Variants in ARB2A observed in about 807,000 individuals in gnomAD.
ARB2A encodes the protein ARB2 cotranscriptional regulator A.
chr5:93,941,917 A>G, the ARB2A span, among the ~76,000 whole-genome samples: 1 of 152,212 alleles, frequency 6.6e-6, no homozygotes, highest in South Asian at 2.1e-4. Context: ...GAAAGAACTT[A>G]AGCATATCCT....
At chr5:93,657,257 C>T in the ARB2A span, among the ~76,000 whole-genome samples, 1 of 152,138 alleles carries the variant, frequency 6.6e-6, no homozygotes. Context: ...AGAAAAACTG[C>T]ACATGAAGTG....
At chr5:93,755,585 G>A in the ARB2A span, among the ~76,000 whole-genome samples, 1 of 152,234 alleles carries the variant, frequency 6.6e-6, no homozygotes, top group African/African-American at 2.4e-5. Flanking sequence ...GGGAAAGGGA[G>A]AGCCTCCACT....
At chr5:93,642,656 G>A in the ARB2A span, among the ~76,000 whole-genome samples, 3 of 152,072 alleles carry the variant, frequency 2.0e-5, no homozygotes, top group Non-Finnish European at 4.4e-5. Flanking sequence ...TTATAGACAT[G>A]AGCCACTGTG....
chr5:93,807,738 C>G, the ARB2A span, among the ~76,000 whole-genome samples: 13 of 151,980 alleles, frequency 8.6e-5, no homozygotes, highest in African/African-American at 3.1e-4. Context: ...GGCATATACT[C>G]TAGCAATTTT....
At chr5:93,681,849 C>A in the ARB2A span, among the ~76,000 whole-genome samples, 2 of 152,094 alleles carry the variant, frequency 1.3e-5, no homozygotes, top group African/African-American at 4.8e-5. Context: ...AACCAGGAGT[C>A]CAAATGGTCA....
chr5:93,889,343 A>G, the ARB2A span, among the ~76,000 whole-genome samples: 1 of 151,800 alleles, frequency 6.6e-6, no homozygotes, highest in Non-Finnish European at 1.5e-5. Flanking sequence ...ACATCATTTC[A>G]TAATCTAAAG....
chr5:93,896,421 A>G, the ARB2A span, among the ~76,000 whole-genome samples: 1 of 152,100 alleles, frequency 6.6e-6, no homozygotes, highest in South Asian at 2.1e-4. Context: ...AACACTGTAT[A>G]AAGTTACTTT....
At chr5:94,091,675 C>T in the ARB2A span, among the ~76,000 whole-genome samples, 2 of 152,126 alleles carry the variant, frequency 1.3e-5, no homozygotes, top group Admixed American at 6.5e-5. Flanking sequence ...GTGACTGGAA[C>T]TTCGTATTTT....
the ARB2A span, among the ~76,000 whole-genome samples, chr5:94,047,146 G>T: frequency 1.3e-5 from 2 of 152,124 alleles, no homozygotes; most frequent in African/African-American, 4.8e-5. Flanking sequence ...AAAAAATGTT[G>T]GTACTTAAAG....
chr5:93,765,925 C>G, the ARB2A span, among the ~76,000 whole-genome samples: 4 of 152,112 alleles, frequency 2.6e-5, no homozygotes, highest in African/African-American at 9.7e-5. Flanking sequence ...CTGAGAAAAA[C>G]AAGCAATGGG....
At chr5:93,782,211 T>G in the ARB2A span, among the ~76,000 whole-genome samples, 45 of 152,298 alleles carry the variant, frequency 3.0e-4, no homozygotes, top group African/African-American at 1.1e-3. Context: ...CTCTGAGATA[T>G]TATAGTGTTT....
the ARB2A span, among the ~76,000 whole-genome samples, chr5:94,018,464 T>A: frequency 1.8e-4 from 28 of 152,208 alleles, 1 homozygote; most frequent in African/African-American, 6.7e-4. Flanking sequence ...GTCTCCACTA[T>A]GATAATATAC....
chr5:93,954,275 A>G, the ARB2A span, among the ~76,000 whole-genome samples: 141 of 152,182 alleles, frequency 9.3e-4, 1 homozygote, highest in Non-Finnish European at 1.7e-3. Context: ...CCCAAGACAC[A>G]TGACATACTC....
the ARB2A span, among the ~76,000 whole-genome samples, chr5:93,894,471 C>T: frequency 9.2e-5 from 14 of 152,018 alleles, no homozygotes; most frequent in African/African-American, 3.4e-4. Flanking sequence ...TAAAATGTCT[C>T]TCAGCTTCTC....
the ARB2A span, among the ~76,000 whole-genome samples, chr5:94,054,438 G>A: frequency 1.8e-4 from 27 of 152,052 alleles, no homozygotes; most frequent in East Asian, 4.3e-3. Flanking sequence ...ATTTGGGTTC[G>A]TCTAATGTTT....
chr5:93,715,145 T>C, the ARB2A span, among the ~76,000 whole-genome samples: 1 of 152,178 alleles, frequency 6.6e-6, no homozygotes, highest in South Asian at 2.1e-4. Flanking sequence ...GAAAAAAATC[T>C]ACAAATACAC....
the ARB2A span, among the ~76,000 whole-genome samples, chr5:94,007,870 T>G: frequency 6.6e-6 from 1 of 152,038 alleles, no homozygotes; most frequent in East Asian, 1.9e-4. Context: ...TCTGTGTCAG[T>G]ACCCCCCTGC....
At chr5:93,881,836 T>C in the ARB2A span, 1 of 428,788 alleles carries the variant, frequency 2.3e-6, no homozygotes, top group Non-Finnish European at 4.0e-6. Context: ...TGATTTTATT[T>C]TTTTCAAAAG....
chr5:93,939,324 ATTG>A, the ARB2A span, among the ~76,000 whole-genome samples: 59 of 152,272 alleles, frequency 3.9e-4, no homozygotes, highest in African/African-American at 1.4e-3. Flanking sequence ...GATCCTTATT[ATTG>A]TTATTTAACA....
Sources: gnomAD v4.1 joint callset for allele counts (sites outside exome capture counted in the v4.1 genomes callset) on GRCh38, gnomAD v4.1.1 for gene constraint, MANE v1.5 for transcripts, NCBI Gene and HGNC (gene_info 2026-07-23, HGNC 2026-07-21) for gene names.